The following ZNF793 variants were observed in gnomAD, a reference collection of about 807,000 sequenced individuals.
The protein encoded by ZNF793 is zinc finger protein 793.
A neutral mutation model predicts 12.4 loss-of-function variants in ZNF793; 5 were observed. The observed-to-expected ratio is 0.40, with a 90% CI of 0.21 to 0.84. ZNF793 has a LOEUF of 0.84. ZNF793 is among the 40% of genes least tolerant of loss of function. ZNF793 has a pLI of 0.35. For missense variants in ZNF793, 456 were observed against 495.0 expected (o/e 0.92, Z 0.75); for synonymous variants, 162 against 172.4 (o/e 0.94, Z 0.47).
intron 2 of ZNF793, among the ~76,000 whole-genome samples, chr19:37,514,663 T>G (rs1014137213): frequency 6.6e-6 from 1 of 152,158 alleles, no homozygotes; most frequent in African/African-American, 2.4e-5. Flanking sequence ...AACCCTTTTT[T>G]TTTTATATAA....
At chr19:37,511,902 G>C (rs1271091625) in intron 2 of ZNF793, among the ~76,000 whole-genome samples, 2 of 152,084 alleles carry the variant, frequency 1.3e-5, no homozygotes, top group African/African-American at 4.8e-5. Flanking sequence ...TTAGTCTTTA[G>C]GGACTGACCA....
In ZNF793 at chr19:37,537,307, C is replaced by T. The variant is rs184106216; in HGVS notation, c.649C>T (p.Arg217Trp). Reference sequence around the variant, plus strand: ...AGTAAGTGATTCTCTCTTGTACAAACGGAAGAGGGTTCCACCTACAGAAAA... The same window carrying T: ...AGTAAGTGATTCTCTCTTGTACAAATGGAAGAGGGTTCCACCTACAGAAAA... ...PAVSDSLLYK[R>W]KRVPPTEKPH... The change falls in exon 8 of 8, where the codon CGG becomes TGG. Residue 217 changes from arginine (R) to tryptophan (W), a missense_variant. Coordinates refer to ENST00000627814, the MANE Select transcript of ZNF793 (RefSeq NM_001013659.3). 188 of 1,613,734 alleles carry T rather than the reference C, an allele frequency of 1.2e-4. No homozygotes were observed. The highest frequency in any genetic ancestry group is 3.1e-4 in the East Asian group (14 of 44,884).
chr19:37,531,631 C>G (rs1187783599), intron 5 of ZNF793, among the ~76,000 whole-genome samples: 1 of 152,228 alleles, frequency 6.6e-6, no homozygotes, highest in Non-Finnish European at 1.5e-5. Flanking sequence ...AGTCAGCTTT[C>G]CATATCCCTG....
chr19:37,508,689 G>A (rs1221340118), intron 2 of ZNF793, among the ~76,000 whole-genome samples: 2 of 152,112 alleles, frequency 1.3e-5, no homozygotes, highest in Admixed American at 6.5e-5. Context: ...CCGGGTGACA[G>A]AATGAGACTC....
At chr19:37,533,256 C>T (rs2042476411) in intron 6 of ZNF793, 52 bp from the exon 7 acceptor site, 6 of 1,529,530 alleles carry the variant, frequency 3.9e-6, no homozygotes, top group Non-Finnish European at 5.4e-6. Context: ...CCTGAGAGGC[C>T]CTGAAGACCA....
At chr19:37,513,359 G>T (rs995496211) in intron 2 of ZNF793, among the ~76,000 whole-genome samples, 2 of 152,128 alleles carry the variant, frequency 1.3e-5, no homozygotes, top group African/African-American at 4.8e-5. Flanking sequence ...TGTATTTATT[G>T]TAGAAGCTTT....
At position 37,540,275 on chromosome 19, in the gene ZNF793, A is replaced by AG. The variant is rs1424953891; in HGVS notation, c.*2396_*2397insG. 2.6e-5 allele frequency: 4 copies of AG among 150,968 alleles called. No individual in the cohort carries two copies. Among genetic ancestry groups the AG allele is most frequent in the African/African-American group, 9.7e-5 (4 of 41,222 alleles). 9.4% of individuals were successfully genotyped at this position (150,968 alleles called of 1,614,324 possible). A position where few individuals can be genotyped will look rare whatever the true frequency, so the allele number is the denominator to read the frequency against. The stretch of plus-strand genomic sequence containing the variant: ...AGAGCGAAACTCCGTCAAAAAAAAA[A>AG]AAAAAAAAAGAAAACTTCAGACCAG... On this transcript the variant is annotated 3_prime_UTR_variant, in exon 8 of 8. Transcript: ENST00000627814.
chr19:37,533,421 A>G lies in ZNF793; in HGVS notation c.238+18A>G. ...CTGTTGGGGTAAGTGTGATAAATCT[A>G]GCAAAAGGGGTACTGAAGGAGGCTG... On this transcript the variant is annotated intron_variant, in intron 7 of 7. Transcript: ENST00000627814. The G allele has an allele frequency of 6.2e-7, 1 of 1,608,742 alleles. No homozygotes were observed. Among genetic ancestry groups the G allele is most frequent in the African/African-American group, 1.3e-5 (1 of 74,914 alleles).
intron 5 of ZNF793, among the ~76,000 whole-genome samples, chr19:37,527,035 C>A (rs1300362333): frequency 1.3e-5 from 2 of 151,998 alleles, no homozygotes; most frequent in Non-Finnish European, 2.9e-5. Context: ...GCAACCTCTG[C>A]CTCCCAGGTT....
intron 6 of ZNF793, 24 bp from the exon 7 acceptor site, chr19:37,533,284 C>T: frequency 6.2e-7 from 1 of 1,610,738 alleles, no homozygotes; most frequent in Non-Finnish European, 8.5e-7. Flanking sequence ...CAGCCCAAGA[C>T]CTGCATCAAT....
chr19:37,541,107 C>T lies in ZNF793; in HGVS notation c.*3228C>T, dbSNP rs747792066. The T allele has an allele frequency of 6.6e-6, 1 of 151,834 alleles. No individual in the cohort carries two copies. Among genetic ancestry groups the T allele is most frequent in the Non-Finnish European group, 1.5e-5 (1 of 67,960 alleles). 9.4% of individuals were successfully genotyped at this position (151,834 alleles called of 1,614,324 possible). On this transcript the variant is annotated 3_prime_UTR_variant, in exon 8 of 8. Coordinates refer to ENST00000627814, the MANE Select transcript of ZNF793 (RefSeq NM_001013659.3). ...CAGTAGAAAATTCAGAAATAGACTT[C>T]GATATATATGAACTTTTTCATATGT...
intron 6 of ZNF793, 68 bp downstream of exon 6, chr19:37,532,550 A>T: frequency 6.7e-7 from 1 of 1,490,720 alleles, no homozygotes; most frequent in Non-Finnish European, 8.9e-7. Flanking sequence ...TCAGTTGCTA[A>T]AAGCAACTGG....
chr19:37,532,824 TA>T (rs1352142846), intron 6 of ZNF793, among the ~76,000 whole-genome samples: 2 of 151,412 alleles, frequency 1.3e-5, no homozygotes, highest in African/African-American at 4.9e-5. Context: ...TCTCAAAAAA[TA>T]AAAAATAAAA....
At chr19:37,528,301 G>A (rs1428534265) in intron 5 of ZNF793, among the ~76,000 whole-genome samples, 2 of 152,064 alleles carry the variant, frequency 1.3e-5, no homozygotes, top group African/African-American at 4.8e-5. Flanking sequence ...TTGCCAACCA[G>A]GAAAGTGCAC....
In ZNF793 at chr19:37,539,774, T is replaced by C. The variant is rs944604809; in HGVS notation, c.*1895T>C. On this transcript the variant is annotated 3_prime_UTR_variant, in exon 8 of 8. Coordinates refer to ENST00000627814, the MANE Select transcript of ZNF793 (RefSeq NM_001013659.3). The stretch of plus-strand genomic sequence containing the variant: ...ATAAGAAGTAGAAAACTTGGTAGGA[T>C]AGTTAACATTGAAAAACTCAAAAAA... The C allele has an allele frequency of 2.0e-5, 3 of 152,186 alleles. No homozygotes were observed. Among genetic ancestry groups the C allele is most frequent in the Non-Finnish European group, 2.9e-5 (2 of 68,034 alleles). 9.4% of individuals were successfully genotyped at this position (152,186 alleles called of 1,614,324 possible). A position where few individuals can be genotyped will look rare whatever the true frequency, so the allele number is the denominator to read the frequency against.
At chr19:37,524,913 C>T (rs1400377684) in intron 5 of ZNF793, among the ~76,000 whole-genome samples, 5 of 152,110 alleles carry the variant, frequency 3.3e-5, no homozygotes, top group African/African-American at 9.7e-5. Context: ...TATATTGTTT[C>T]CCCTTGGAAT....
Position 37,542,624 on chromosome 19 carries a change from T to C in ZNF793, c.*4745T>C, listed in dbSNP as rs1221261277. The C allele has an allele frequency of 1.7e-5, 4 of 236,842 alleles. No individual in the cohort carries two copies. The highest frequency in any genetic ancestry group is 6.7e-5 in the African/African-American group (3 of 44,570). The allele number at this position is 236,842 out of a possible 1,614,324, so 14.7% of individuals were successfully genotyped here. A position where few individuals can be genotyped will look rare whatever the true frequency, so the allele number is the denominator to read the frequency against. ...GGAAATTGTAGAAAGGAAAAAACTA[T>C]AGTGTATCCATTCCATAGAATGTTA... On this transcript the variant is annotated 3_prime_UTR_variant, in exon 8 of 8. Transcript: ENST00000627814.
intron 6 of ZNF793, 80 bp from the exon 7 acceptor site, chr19:37,533,228 G>A: frequency 9.5e-6 from 11 of 1,162,364 alleles, no homozygotes; most frequent in Non-Finnish European, 1.3e-5. Flanking sequence ...AACATCTATT[G>A]TGCAGCCTTT....
intron 5 of ZNF793, among the ~76,000 whole-genome samples, chr19:37,529,419 T>C (rs2042440230): frequency 6.6e-6 from 1 of 152,192 alleles, no homozygotes; most frequent in African/African-American, 2.4e-5. Context: ...TAAAACTGCC[T>C]GTGAGTTTAC....
Sources: gnomAD v4.1 joint callset for allele counts (sites outside exome capture counted in the v4.1 genomes callset) on GRCh38, gnomAD v4.1.1 for gene constraint, MANE v1.5 for transcripts, NCBI Gene and HGNC (gene_info 2026-07-23, HGNC 2026-07-21) for gene names.